Variants in CR1 observed in about 807,000 individuals in gnomAD.
CR1 encodes the protein complement C3b/C4b receptor 1 (Knops blood group), also known as complement receptor type 1.
Under a neutral mutation model 187.3 loss-of-function variants are expected in CR1, and 116 were observed. The observed-to-expected ratio is 0.62, with a 90% confidence interval of 0.53 to 0.72. The LOEUF (loss-of-function observed/expected upper bound fraction) is 0.72, where lower values mean the gene tolerates loss of function less well. Among genes scored for constraint, CR1 ranks in the 30% least tolerant of loss-of-function variants. The pLI is 0.00. For missense variants in CR1, 1,731 were observed against 2,110.7 expected (o/e 0.82, Z 3.52); for synonymous variants, 576 against 747.1 (o/e 0.77, Z 3.73).
At chr1:207,635,023 C>A (rs1662769738) in intron 46 of CR1, among the ~76,000 whole-genome samples, 1 of 152,166 alleles carries the variant, frequency 6.6e-6, no homozygotes, top group Non-Finnish European at 1.5e-5. Flanking sequence ...CTAATGTCTC[C>A]ATTTTCGCCA....
chr1:207,525,347 C>T (rs1331918794), intron 5 of CR1, among the ~76,000 whole-genome samples: 1 of 151,830 alleles, frequency 6.6e-6, no homozygotes, highest in African/African-American at 2.4e-5. Flanking sequence ...GATCAGGGAG[C>T]TGCTGTGGCT....
intron 27 of CR1, among the ~76,000 whole-genome samples, chr1:207,573,438 C>G (rs1336806939): frequency 1.3e-5 from 2 of 151,988 alleles, no homozygotes; most frequent in South Asian, 4.1e-4. Flanking sequence ...TGACTGTACC[C>G]TACTCATCTT....
In CR1 at chr1:207,587,888, G is replaced by A. The variant is rs1342942007; in HGVS notation, c.5710+323G>A. On this transcript the variant is annotated intron_variant, in intron 34 of 46. Coordinates refer to ENST00000367049, the MANE Select transcript of CR1 (RefSeq NM_000651.6). ...TTCTTGCTTGTAGTTCCTGAACCTT[G>A]ACTAGATGCTCATTTCATGAGAATG... Among the ~76,000 whole-genome samples, 5 of 152,234 alleles carry A rather than the reference G, an allele frequency of 3.3e-5. No homozygotes were observed. In the East Asian group the frequency reaches 9.6e-4, roughly 29 times the overall value.
chr1:207,497,746 C>T (rs1275592690), intron 1 of CR1, among the ~76,000 whole-genome samples: 1 of 152,014 alleles, frequency 6.6e-6, no homozygotes, highest in Non-Finnish European at 1.5e-5. Flanking sequence ...TTTACTTAGC[C>T]TATGTTGATT....
chr1:207,614,615 T>C, intron 40 of CR1, 126 bp downstream of exon 40: 1 of 655,486 alleles, frequency 1.5e-6, no homozygotes, highest in South Asian at 1.9e-5. Flanking sequence ...AAATACTTCT[T>C]TGTTGGAAGA....
At chr1:207,596,576 T>G (rs1661447622) in intron 35 of CR1, among the ~76,000 whole-genome samples, 1 of 151,948 alleles carries the variant, frequency 6.6e-6, no homozygotes, top group Admixed American at 6.5e-5. Flanking sequence ...ATGGTGCCAC[T>G]GCACCCCAGC....
intron 28 of CR1, among the ~76,000 whole-genome samples, chr1:207,577,120 G>A (rs777777105): frequency 4.0e-5 from 6 of 151,884 alleles, no homozygotes; most frequent in East Asian, 1.9e-4. Context: ...GTTTGGTGGC[G>A]CATGCCTGTA....
At chr1:207,598,956 G>A (rs977221896) in intron 35 of CR1, 2 of 152,228 alleles carry the variant, frequency 1.3e-5, no homozygotes, top group Admixed American at 1.3e-4. Context: ...GGAAAGGAGT[G>A]CTCAGGGAGA....
At chr1:207,566,347 G>A (rs1286303044) in intron 24 of CR1, among the ~76,000 whole-genome samples, 1 of 148,340 alleles carries the variant, frequency 6.7e-6, no homozygotes, top group Non-Finnish European at 1.5e-5. Context: ...CCATCAAAGT[G>A]CAGTCAGTCT....
At chr1:207,615,573 T>G (rs941250263) in intron 40 of CR1, among the ~76,000 whole-genome samples, 1 of 152,234 alleles carries the variant, frequency 6.6e-6, no homozygotes, top group African/African-American at 2.4e-5. Flanking sequence ...ACATTACTGA[T>G]TGATTCTATT....
intron 45 of CR1, among the ~76,000 whole-genome samples, chr1:207,625,414 T>C (rs1402886862): frequency 2.0e-5 from 3 of 152,214 alleles, no homozygotes; most frequent in Non-Finnish European, 4.4e-5. Context: ...TAAAACCTAT[T>C]CTATATGTGT....
At chr1:207,589,041 T>C (rs373923823) in intron 35 of CR1, among the ~76,000 whole-genome samples, 22 of 152,152 alleles carry the variant, frequency 1.4e-4, no homozygotes, top group East Asian at 9.6e-4. Context: ...CAGGCATTCA[T>C]TGGATGAAAA....
chr1:207,580,687 A>G (rs1660909741), intron 31 of CR1, 74 bp downstream of exon 31: 2 of 1,343,258 alleles, frequency 1.5e-6, no homozygotes, highest in Non-Finnish European at 2.1e-6. Flanking sequence ...ATCAATCCAA[A>G]AAGAGGGCTG....
intron 29 of CR1, among the ~76,000 whole-genome samples, chr1:207,579,160 C>T (rs1162255004): frequency 6.6e-6 from 1 of 152,230 alleles, no homozygotes; most frequent in Non-Finnish European, 1.5e-5. Flanking sequence ...GTCAAATACT[C>T]TCCAAATAAT....
At chr1:207,611,060 T>C (rs1280126930) in intron 37 of CR1, among the ~76,000 whole-genome samples, 2 of 151,996 alleles carry the variant, frequency 1.3e-5, no homozygotes, top group African/African-American at 4.8e-5. Flanking sequence ...ACCCATTAAC[T>C]GTCCCCACCT....
chr1:207,632,797 C>CAAAAAAAAA (rs55649027), intron 46 of CR1, among the ~76,000 whole-genome samples: 79 of 107,632 alleles, frequency 7.3e-4, no homozygotes, highest in African/African-American at 2.5e-3. Flanking sequence ...GACTCCGTCT[C>CAAAAAAAAA]AAAAAAAAAA....
At chr1:207,580,966 A>C (rs1660917452) in intron 31 of CR1, among the ~76,000 whole-genome samples, 1 of 152,190 alleles carries the variant, frequency 6.6e-6, no homozygotes, top group South Asian at 2.1e-4. Context: ...CAGAAGTTTA[A>C]AAAGCAAAAA....
intron 23 of CR1, 43 bp downstream of exon 23, chr1:207,564,277 G>T: frequency 6.3e-7 from 1 of 1,594,266 alleles, no homozygotes; most frequent in Non-Finnish European, 8.5e-7. Flanking sequence ...TGAAATTGGG[G>T]TTGGGAATCA....
intron 35 of CR1, among the ~76,000 whole-genome samples, chr1:207,599,506 G>T (rs957229326): frequency 1.3e-5 from 2 of 152,190 alleles, no homozygotes; most frequent in African/African-American, 4.8e-5. Context: ...AGGAAAAGGA[G>T]TATTAATTAC....
Sources: gnomAD v4.1 joint callset for allele counts (sites outside exome capture counted in the v4.1 genomes callset) on GRCh38, gnomAD v4.1.1 for gene constraint, MANE v1.5 for transcripts, NCBI Gene and HGNC (gene_info 2026-07-23, HGNC 2026-07-21) for gene names.